Variants in HEPHL1 observed in about 807,000 individuals in gnomAD.
HEPHL1 encodes the protein ferroxidase HEPHL1.
Under a neutral mutation model 122.0 loss-of-function variants are expected in HEPHL1, and 123 were observed. The ratio of observed to expected loss-of-function variants is 1.01; its 90% CI spans 0.87 to 1.17. The LOEUF is 1.17. HEPHL1 is among the 50% of genes most tolerant of loss of function. The pLI is 0.00. For synonymous variants in HEPHL1, 527 were observed against 508.9 expected (o/e 1.04, Z -0.48); for missense variants, 1,452 against 1,430.5 (o/e 1.01, Z -0.24).
intron 1 of HEPHL1, among the ~76,000 whole-genome samples, chr11:94,035,979 G>A (rs182956689): frequency 0.01 from 1,572 of 152,176 alleles, 24 homozygotes; most frequent in African/African-American, 0.035. Context: ...CTCGTGATCC[G>A]CCCGCCTCGG....
At chr11:94,022,373 T>C (rs1945589187) in intron 1 of HEPHL1, among the ~76,000 whole-genome samples, 1 of 152,240 alleles carries the variant, frequency 6.6e-6, no homozygotes, top group Non-Finnish European at 1.5e-5. Flanking sequence ...GTTGGATATT[T>C]GAATGCTTGC....
rs779188728 is a variant in HEPHL1, at chr11:94,070,456, C to A, written c.1146C>A (p.Tyr382Ter). ...YPKMKGQQRR[Y>*]FIAAEKILWD... Reference sequence around the variant, plus strand: ...AGATGAAGGGTCAACAGAGGCGCTACTTTATAGCAGCTGAAAAAATTCTTT... The same window carrying A: ...AGATGAAGGGTCAACAGAGGCGCTAATTTATAGCAGCTGAAAAAATTCTTT... The change falls in exon 6 of 20, where the codon TAC (tyrosine) becomes TAA (stop). Residue 382 changes from tyrosine to a stop codon, truncating the protein, a stop_gained. Coordinates refer to ENST00000315765, the MANE Select transcript of HEPHL1 (RefSeq NM_001098672.2). LOFTEE classifies it high-confidence loss of function. 6.2e-7 allele frequency: 1 copy of A among 1,609,512 alleles called. No homozygotes were observed. The highest frequency in any genetic ancestry group is 8.5e-7 in the Non-Finnish European group (1 of 1,177,738).
At chr11:94,031,969 C>T (rs976416749) in intron 1 of HEPHL1, among the ~76,000 whole-genome samples, 1 of 152,208 alleles carries the variant, frequency 6.6e-6, no homozygotes, top group African/African-American at 2.4e-5. Flanking sequence ...CTCTACAGTT[C>T]ACTGCACCAA....
rs953322667 is a variant in HEPHL1 at position 94,112,659 on chromosome 11, G to A, written c.*765G>A. On this transcript the variant is annotated 3_prime_UTR_variant, in exon 20 of 20. Coordinates refer to ENST00000315765, the MANE Select transcript of HEPHL1 (RefSeq NM_001098672.2). Reference sequence around the variant, plus strand: ...CTTTCAAAAATCAAGTAGAGAAATTGTATTTCTACTGCAGACTGTGGGAGG... The same window carrying A: ...CTTTCAAAAATCAAGTAGAGAAATTATATTTCTACTGCAGACTGTGGGAGG... 1 of 152,190 alleles carries A rather than the reference G, an allele frequency of 6.6e-6. No homozygotes were observed. Among genetic ancestry groups the A allele is most frequent in the African/African-American group, 2.4e-5 (1 of 41,444 alleles). 9.4% of individuals were successfully genotyped at this position (152,190 alleles called of 1,614,324 possible).
In HEPHL1 at chr11:94,114,088, T is replaced by C. The variant is rs1176773356; in HGVS notation, c.*2194T>C. Among the ~76,000 whole-genome samples, 2 of 152,254 alleles carry C rather than the reference T, an allele frequency of 1.3e-5. No individual in the cohort carries two copies. Among genetic ancestry groups the C allele is most frequent in the Non-Finnish European group, 2.9e-5 (2 of 68,044 alleles). On this transcript the variant is annotated 3_prime_UTR_variant, in exon 20 of 20. Transcript: ENST00000315765. The stretch of plus-strand genomic sequence containing the variant: ...TTGGGTCTCATTGCTTCTTGCTTTC[T>C]CAAGACTTCATTCCCTTGGGTATCC...
At position 94,102,929 on chromosome 11, in the gene HEPHL1, A is replaced by T. The variant is rs751627991; in HGVS notation, c.2591A>T (p.Tyr864Phe). Residue 864 changes from tyrosine (Y) to phenylalanine (F), a missense_variant, in exon 15 of 20, where the codon TAT becomes TTT. Physicochemically the swap from Tyr to Phe is conservative, Grantham distance 22. Coordinates refer to ENST00000315765, the MANE Select transcript of HEPHL1 (RefSeq NM_001098672.2). ...TTTATTACAGGAGAAGTAAAAACTT[A>T]TAGATGGAATATCCCTAAAAGATCC... Reference protein sequence around the residue: ...PMTKPGEVKTYRWNIPKRSGP... With the variant: ...PMTKPGEVKTFRWNIPKRSGP... 1 of 1,583,924 alleles carries T rather than the reference A, an allele frequency of 6.3e-7. No homozygotes were observed. Among genetic ancestry groups the T allele is most frequent in the Admixed American group, 1.7e-5 (1 of 59,866 alleles).
At chr11:94,104,378 C>T (rs1946392603) in intron 15 of HEPHL1, 150 bp from the exon 16 acceptor site, 2 of 620,580 alleles carry the variant, frequency 3.2e-6, no homozygotes, top group African/African-American at 1.8e-5. Flanking sequence ...ACAGGATGGG[C>T]TGGAGGTGGG....
At chr11:94,055,891 A>G in intron 2 of HEPHL1, 1 of 753,128 alleles carries the variant, frequency 1.3e-6, no homozygotes, top group Non-Finnish European at 2.2e-6. Flanking sequence ...TCCACATAAT[A>G]TAAGGCAGAG....
intron 2 of HEPHL1, among the ~76,000 whole-genome samples, 174 bp downstream of exon 2, chr11:94,046,091 C>CTTTTTTCTTTTTTT (rs1945834358): frequency 1.5e-5 from 1 of 65,048 alleles, no homozygotes; most frequent in Non-Finnish European, 2.6e-5. Context: ...CCCTTTCTTG[C>CTTTTTTCTTTTTTT]TTTTTTTTTT....
chr11:94,099,797 T>G (rs1368518759), intron 13 of HEPHL1, among the ~76,000 whole-genome samples: 1 of 152,190 alleles, frequency 6.6e-6, no homozygotes, highest in Non-Finnish European at 1.5e-5. Flanking sequence ...TCCTTGGGTG[T>G]GGGTCCATCT....
rs755367459 is a variant in HEPHL1 at position 94,046,091 on chromosome 11, C to CTT, written c.415+194_415+195dup. Reference sequence around the variant, plus strand: ...TTCTGTCTCTCTCTTCCCTTTCTTGCTTTTTTTTTTTTTTTTTTTTTGAGA... The same window carrying CTT: ...TTCTGTCTCTCTCTTCCCTTTCTTGCTTTTTTTTTTTTTTTTTTTTTTTGAGA... On this transcript the variant is annotated intron_variant, in intron 2 of 19. Coordinates refer to ENST00000315765, the MANE Select transcript of HEPHL1 (RefSeq NM_001098672.2). Among the ~76,000 whole-genome samples the CTT allele has an allele frequency of 4.0e-4, 26 of 65,046 alleles. 3 individuals are homozygous for CTT. Among genetic ancestry groups the CTT allele is most frequent in the African/African-American group, 1.2e-3 (19 of 15,730 alleles). 42.7% of individuals were successfully genotyped at this position (65,046 alleles called of 152,430 possible).
intron 16 of HEPHL1, 32 bp downstream of exon 16, chr11:94,104,782 T>G: frequency 6.8e-7 from 1 of 1,476,334 alleles, no homozygotes; most frequent in Non-Finnish European, 9.4e-7. Context: ...AAGCCTATGT[T>G]GAGATAAGCT....
At position 94,075,398 on chromosome 11, in the gene HEPHL1, G is replaced by A; in HGVS notation, c.1716+13G>A. 6.3e-7 allele frequency: 1 copy of A among 1,599,390 alleles called. No homozygotes were observed. The highest frequency in any genetic ancestry group is 8.6e-7 in the Non-Finnish European group (1 of 1,169,420). Reference sequence around the variant, plus strand: ...TGATGGGACACAGGTAGGCCATTGAGTGTCACCAGTTCTTCTCAGGGTTGT... The same window carrying A: ...TGATGGGACACAGGTAGGCCATTGAATGTCACCAGTTCTTCTCAGGGTTGT... On this transcript the variant is annotated intron_variant, in intron 9 of 19. Transcript: ENST00000315765.
chr11:94,086,126 C>G lies in HEPHL1; in HGVS notation c.2017C>G (p.Arg673Gly). 1.2e-6 allele frequency: 2 copies of G among 1,613,394 alleles called. No individual in the cohort carries two copies. The highest frequency in any genetic ancestry group is 1.7e-6 in the Non-Finnish European group (2 of 1,179,782). ...GNTIHLRGTH[R>G]DSLALFPHMA... is the part of the protein sequence containing the mutation. ...CACCATCCACCTACGAGGGACTCAC[C>G]GAGACTCCCTGGCCCTGTTTCCCCA... Residue 673 changes from arginine to glycine, a missense_variant, in exon 11 of 20, where the codon CGA becomes GGA. Physicochemically the swap from Arg to Gly is moderately radical, Grantham distance 125 (BLOSUM62 -2). Transcript: ENST00000315765.
At chr11:94,024,895 C>A (rs1252488020) in intron 1 of HEPHL1, among the ~76,000 whole-genome samples, 1 of 152,172 alleles carries the variant, frequency 6.6e-6, no homozygotes, top group African/African-American at 2.4e-5. Flanking sequence ...CAGTACAGGG[C>A]AGGCATTCAA....
rs1366189571 is a variant in HEPHL1 at position 94,101,314 on chromosome 11, C to T, written c.2554C>T (p.Gln852Ter). The stretch of plus-strand genomic sequence containing the variant: ...GGAGATGGATAGTGGAAAGCAATTC[C>T]AAGTGCCCATGACAAAACCAGGTAA... Reference protein sequence around the residue: ...VEEMDSGKQFQVPMTKPGEVK... With the variant: ...VEEMDSGKQF The change falls in exon 14 of 20, where the codon CAA becomes TAA. Residue 852 changes from glutamine to a stop codon, truncating the protein, a stop_gained. Coordinates refer to ENST00000315765, the MANE Select transcript of HEPHL1 (RefSeq NM_001098672.2). LOFTEE classifies it high-confidence loss of function. 6.2e-7 allele frequency: 1 copy of T among 1,613,114 alleles called. No homozygotes were observed. Among genetic ancestry groups the T allele is most frequent in the African/African-American group, 1.3e-5 (1 of 74,896 alleles).
rs1257191464 is a variant in HEPHL1 at position 94,111,016 on chromosome 11, C to T, written c.3159C>T (p.Asp1053=). Residue 1053 remains aspartate (D), a synonymous_variant, in exon 18 of 20, where the codon GAC becomes GAT. Transcript: ENST00000315765. ...GGCTGCTACACTGTCATGTGTCTGA[C>T]CACATCCATGCTGGCATGGAGACAA... The part of the protein sequence containing the change: ...GTWLLHCHVS[D]HIHAGMETTY... The T allele has an allele frequency of 1.2e-6, 2 of 1,608,872 alleles. No individual in the cohort carries two copies. The highest frequency in any genetic ancestry group is 2.2e-5 in the South Asian group (2 of 89,954).
At chr11:94,061,398 G>C (rs1447266790) in intron 2 of HEPHL1, among the ~76,000 whole-genome samples, 1 of 152,096 alleles carries the variant, frequency 6.6e-6, no homozygotes, top group East Asian at 1.9e-4. Context: ...TATACTTTGA[G>C]GATTTCTGAC....
At chr11:94,071,106 T>G (rs1946070570) in intron 6 of HEPHL1, among the ~76,000 whole-genome samples, 1 of 152,180 alleles carries the variant, frequency 6.6e-6, no homozygotes, top group Admixed American at 6.6e-5. Flanking sequence ...AATTATGTTC[T>G]CTCTGCGCTC....
Sources: gnomAD v4.1 joint callset for allele counts (sites outside exome capture counted in the v4.1 genomes callset) on GRCh38, gnomAD v4.1.1 for gene constraint, MANE v1.5 for transcripts, NCBI Gene and HGNC (gene_info 2026-07-23, HGNC 2026-07-21) for gene names.